Variants in WWOX observed in about 807,000 individuals in gnomAD.
The protein encoded by WWOX is WW domain-containing oxidoreductase.
In WWOX, 69 loss-of-function variants were observed where a neutral mutation model predicts 46.2. The observed-to-expected ratio is 1.49, with a 90% CI of 1.23 to 1.82. The LOEUF is 1.82. WWOX is among the 40% of genes most tolerant of loss of function. The pLI, the probability that WWOX is intolerant of heterozygous loss-of-function variation, is 0.00. For synonymous variants in WWOX, 359 were observed against 202.6 expected, an observed-to-expected ratio of 1.77 and a Z score of -6.56; for missense variants, 919 against 542.6, an observed-to-expected ratio of 1.69 and a Z score of -6.89.
chr16:78,955,316 A>G (rs920805500), intron 8 of WWOX, among the ~76,000 whole-genome samples: 10 of 152,166 alleles, frequency 6.6e-5, no homozygotes, highest in African/African-American at 2.2e-4. Context: ...TGCACATACA[A>G]CAACGTCAGT....
chr16:78,836,636 C>G (rs1004062262), intron 8 of WWOX, among the ~76,000 whole-genome samples: 1 of 152,160 alleles, frequency 6.6e-6, no homozygotes, highest in Non-Finnish European at 1.5e-5. Context: ...TGCTACCATC[C>G]TTGAGGTGGC....
intron 8 of WWOX, among the ~76,000 whole-genome samples, chr16:78,960,566 T>A (rs1046983078): frequency 2.6e-5 from 4 of 152,212 alleles, no homozygotes; most frequent in African/African-American, 9.6e-5. Flanking sequence ...CAGGTATTTA[T>A]TGAGTTATGA....
intron 8 of WWOX, among the ~76,000 whole-genome samples, chr16:78,655,625 G>A (rs2047063474): frequency 6.6e-6 from 1 of 152,084 alleles, no homozygotes; most frequent in African/African-American, 2.4e-5. Context: ...CGGCTAAGTA[G>A]TGATAATTGG....
At chr16:78,887,984 C>T (rs1170659687) in intron 8 of WWOX, among the ~76,000 whole-genome samples, 1 of 152,184 alleles carries the variant, frequency 6.6e-6, no homozygotes, top group Non-Finnish European at 1.5e-5. Flanking sequence ...ACTTTGGCGA[C>T]ATGACATCCC....
At chr16:78,548,873 T>G (rs920247542) in intron 8 of WWOX, among the ~76,000 whole-genome samples, 8 of 152,208 alleles carry the variant, frequency 5.3e-5, no homozygotes, top group Non-Finnish European at 8.8e-5. Flanking sequence ...ACATCAAGGC[T>G]TAATTGTAAG....
At chr16:78,578,783 C>T (rs1461407921) in intron 8 of WWOX, among the ~76,000 whole-genome samples, 1 of 152,168 alleles carries the variant, frequency 6.6e-6, no homozygotes, top group Non-Finnish European at 1.5e-5. Context: ...TCTGAAAGCA[C>T]GGTTTCCTGC....
At chr16:78,369,687 C>T (rs183959044) in intron 5 of WWOX, among the ~76,000 whole-genome samples, 23 of 152,090 alleles carry the variant, frequency 1.5e-4, no homozygotes, top group Admixed American at 3.3e-4. Flanking sequence ...AGGTCTCTCT[C>T]GGTGGGAGGA....
chr16:78,939,191 A>G (rs12598030), intron 8 of WWOX, among the ~76,000 whole-genome samples: 76,217 of 151,866 alleles, frequency 0.5, 19,212 homozygotes, highest in East Asian at 0.62. Flanking sequence ...TTATATAATC[A>G]TCAACGTATA....
At chr16:78,961,436 CATGGATGGATGGATGGATGGGTGG>C (rs1373606079) in intron 8 of WWOX, among the ~76,000 whole-genome samples, 4 of 151,630 alleles carry the variant, frequency 2.6e-5, no homozygotes, top group Non-Finnish European at 5.9e-5. Context: ...CTATGGGATA[CATGGATGGATGGATGGATGGGTGG>C]ATGGATGGAT....
At chr16:78,316,089 T>TA (rs112853696) in intron 5 of WWOX, among the ~76,000 whole-genome samples, 3,063 of 147,990 alleles carry the variant, frequency 0.021, 98 homozygotes, top group African/African-American at 0.069. Context: ...CTACTGAAAA[T>TA]AAAAAAAAAA....
In WWOX at chr16:78,830,382, G is replaced by A. The variant is rs554968896; in HGVS notation, c.1057-381226G>A. 6.0e-3 allele frequency among the ~76,000 whole-genome samples: 919 copies of A among 152,050 alleles called. 8 individuals are homozygous for A. The highest frequency in any genetic ancestry group is 0.015 in the South Asian group (70 of 4,814). On this transcript the variant is annotated intron_variant, in intron 8 of 8. Coordinates refer to ENST00000566780, the MANE Select transcript of WWOX (RefSeq NM_016373.4). ...TACCTGCTCTTGAGAAAGTAGTGCC[G>A]TATGGCTGGGGGTTTTTCTCACTGG...
At chr16:78,800,244 T>A (rs1272582935) in intron 8 of WWOX, among the ~76,000 whole-genome samples, 1 of 136,100 alleles carries the variant, frequency 7.3e-6, no homozygotes, top group African/African-American at 2.8e-5. Flanking sequence ...CATTGTTCCA[T>A]GGCAAAAAAA....
intron 8 of WWOX, among the ~76,000 whole-genome samples, chr16:78,563,828 G>A (rs2044498403): frequency 6.6e-6 from 1 of 152,100 alleles, no homozygotes; most frequent in Non-Finnish European, 1.5e-5. Flanking sequence ...GTACATCCTT[G>A]CACTGTGAAA....
At chr16:78,781,883 C>G (rs1328106803) in intron 8 of WWOX, among the ~76,000 whole-genome samples, 1 of 152,178 alleles carries the variant, frequency 6.6e-6, no homozygotes, top group Non-Finnish European at 1.5e-5. Flanking sequence ...CACTTATTTG[C>G]TCCATGCAAT....
chr16:79,052,891 G>A (rs142259114), intron 8 of WWOX, among the ~76,000 whole-genome samples: 14 of 145,302 alleles, frequency 9.6e-5, no homozygotes, highest in African/African-American at 3.6e-4. Flanking sequence ...TTACTAATAT[G>A]TCTGCAATCG....
intron 8 of WWOX, among the ~76,000 whole-genome samples, chr16:79,149,872 G>A (rs181993810): frequency 7.2e-5 from 11 of 152,262 alleles, no homozygotes; most frequent in Non-Finnish European, 1.6e-4. Context: ...GGATCACACA[G>A]GGATTCAGAT....
Position 78,511,571 on chromosome 16 carries a change from A to G in WWOX, c.1056+78819A>G, listed in dbSNP as rs533907279. 5.3e-5 allele frequency among the ~76,000 whole-genome samples: 8 copies of G among 152,300 alleles called. No homozygotes were observed. The South Asian group carries it at 1.7e-3, about 32-fold the overall frequency. On this transcript the variant is annotated intron_variant, in intron 8 of 8. Transcript: ENST00000566780. Reference sequence around the variant, plus strand: ...ATTCGAGTGATTACAGCACGTCCTCACTTACATCTCCCAATATATTTCTTG... The same window carrying G: ...ATTCGAGTGATTACAGCACGTCCTCGCTTACATCTCCCAATATATTTCTTG...
intron 8 of WWOX, among the ~76,000 whole-genome samples, chr16:79,052,061 T>C (rs1419260381): frequency 3.3e-5 from 5 of 151,948 alleles, no homozygotes; most frequent in Non-Finnish European, 7.4e-5. Context: ...AATTATACTT[T>C]AAGTTTTAGG....
chr16:78,261,735 CATGTGT>C (rs1228895331), intron 5 of WWOX, among the ~76,000 whole-genome samples: 1 of 135,634 alleles, frequency 7.4e-6, no homozygotes, highest in Non-Finnish European at 1.6e-5. Flanking sequence ...GCCCATTTGC[CATGTGT>C]GTGTGTGTGT....
Sources: gnomAD v4.1 joint callset for allele counts (sites outside exome capture counted in the v4.1 genomes callset) on GRCh38, gnomAD v4.1.1 for gene constraint, MANE v1.5 for transcripts, NCBI Gene and HGNC (gene_info 2026-07-23, HGNC 2026-07-21) for gene names.